The following WRN variants were observed in gnomAD, a reference collection of about 807,000 sequenced individuals.
The protein encoded by WRN is bifunctional 3'-5' exonuclease/ATP-dependent helicase WRN.
In WRN, 149 loss-of-function variants were observed where a neutral mutation model predicts 180.7. The observed-to-expected ratio is 0.82, with a 90% CI of 0.72 to 0.94. The LOEUF is 0.94. Among genes scored for constraint, WRN ranks in the 40% least tolerant of loss-of-function variants. The pLI, the probability that WRN is intolerant of heterozygous loss-of-function variation, is 0.00. For missense variants in WRN, 1,661 were observed against 1,700.1 expected (o/e 0.98, Z 0.40); for synonymous variants, 548 against 568.9 (o/e 0.96, Z 0.52).
chr8:31,052,015 C>G (rs1360544240), intron 1 of WRN, among the ~76,000 whole-genome samples: 2 of 152,116 alleles, frequency 1.3e-5, no homozygotes, highest in African/African-American at 4.8e-5. Flanking sequence ...CGTTGTTATG[C>G]TTAAGTATTG....
At chr8:31,151,142 A>G (rs748919133) in intron 31 of WRN, among the ~76,000 whole-genome samples, 8 of 152,198 alleles carry the variant, frequency 5.3e-5, no homozygotes, top group Admixed American at 6.5e-5. Context: ...GAACCTGCAC[A>G]TGTCCTTTAA....
In WRN at chr8:31,059,884, G is replaced by A. The variant is rs11574182; in HGVS notation, c.209+619G>A. Among the ~76,000 whole-genome samples the A allele has an allele frequency of 9.5e-4, 144 of 152,028 alleles. 1 individual carries two copies. Among genetic ancestry groups the A allele is most frequent in the African/African-American group, 3.2e-3 (131 of 41,458 alleles). On this transcript the variant is annotated intron_variant, in intron 3 of 34. Coordinates refer to ENST00000298139, the MANE Select transcript of WRN (RefSeq NM_000553.6). ...ATCCCGGCTAACATGGTGAAACACCGTCTCTACTAAAAATACAAAAAATTA... is the reference window on the plus strand; with the variant it reads ...ATCCCGGCTAACATGGTGAAACACCATCTCTACTAAAAATACAAAAAATTA...
chr8:31,144,125 T>C (rs1219337024), intron 28 of WRN, among the ~76,000 whole-genome samples: 4 of 152,182 alleles, frequency 2.6e-5, no homozygotes, highest in Admixed American at 2.6e-4. Flanking sequence ...GCATTTCTTA[T>C]AAATTGAAGG....
chr8:31,122,204 A>G (rs1025847956), intron 21 of WRN, among the ~76,000 whole-genome samples: 13 of 152,014 alleles, frequency 8.6e-5, no homozygotes. Flanking sequence ...TACCCTTTGC[A>G]TCAATCCTGA....
At chr8:31,051,832 G>A (rs1354318403) in intron 1 of WRN, among the ~76,000 whole-genome samples, 1 of 152,208 alleles carries the variant, frequency 6.6e-6, no homozygotes, top group Non-Finnish European at 1.5e-5. Context: ...GTGTTCTGTA[G>A]TCAAAGTTGG....
At chr8:31,088,428 G>A (rs1273548385) in intron 12 of WRN, among the ~76,000 whole-genome samples, 1 of 152,072 alleles carries the variant, frequency 6.6e-6, no homozygotes, top group Admixed American at 6.6e-5. Context: ...TAAACTAAAC[G>A]AGATTTTCGT....
chr8:31,149,064 T>G (rs377175932), intron 30 of WRN, among the ~76,000 whole-genome samples: 1 of 152,210 alleles, frequency 6.6e-6, no homozygotes, highest in African/African-American at 2.4e-5. Context: ...CTAATGACAT[T>G]ACACAGTGCT....
At chr8:31,148,769 C>T (rs564313306) in intron 30 of WRN, among the ~76,000 whole-genome samples, 1 of 152,246 alleles carries the variant, frequency 6.6e-6, no homozygotes, top group South Asian at 2.1e-4. Flanking sequence ...TAGCACTTAC[C>T]ACACAATGCT....
intron 12 of WRN, among the ~76,000 whole-genome samples, 182 bp from the exon 13 acceptor site, chr8:31,088,708 A>T (rs577078420): frequency 6.6e-6 from 1 of 152,236 alleles, no homozygotes; most frequent in African/African-American, 2.4e-5. Flanking sequence ...ACTTAAAAGT[A>T]ATCCAAGTGT....
rs1403927921 is a variant in WRN, at chr8:31,140,552, A to G, written c.2968-878A>G. ...ATTCTCCCTTCACTTAGGAAAACAT[A>G]CCTCAAAACCATCAGCTGTTTAGCA... On this transcript the variant is annotated intron_variant, in intron 24 of 34. Transcript: ENST00000298139. Among the ~76,000 whole-genome samples the G allele has an allele frequency of 2.7e-5, 4 of 150,526 alleles. No individual in the cohort carries two copies. The East Asian group carries it at 5.8e-4, about 22-fold the overall frequency.
intron 21 of WRN, 33 bp downstream of exon 21, chr8:31,120,457 A>ATTTC (rs985804989): frequency 6.3e-7 from 1 of 1,586,894 alleles, no homozygotes; most frequent in African/African-American, 1.4e-5. Context: ...ACTCTTGCAG[A>ATTTC]TTTCTTTCTT....
Position 31,147,884 on chromosome 8 carries a change from A to ATTTT in WRN, c.3572+422_3572+425dup, listed in dbSNP as rs367782924. 9.6e-3 allele frequency among the ~76,000 whole-genome samples: 1,224 copies of ATTTT among 126,866 alleles called. 37 individuals carry two copies. Among genetic ancestry groups the ATTTT allele is most frequent in the African/African-American group, 0.031 (1,042 of 33,834 alleles). 83.2% of individuals were successfully genotyped at this position (126,866 alleles called of 152,430 possible). A position where few individuals can be genotyped will look rare whatever the true frequency, so the allele number is the denominator to read the frequency against. ...CTTCGTCTTCCTCTTCTTCTTCTTCATTTTTTTTTTTTTTTTTGTCTGAAG... is the reference window on the plus strand; with the variant it reads ...CTTCGTCTTCCTCTTCTTCTTCTTCATTTTTTTTTTTTTTTTTTTTTGTCTGAAG... On this transcript the variant is annotated intron_variant, in intron 30 of 34. Coordinates refer to ENST00000298139, the MANE Select transcript of WRN (RefSeq NM_000553.6).
chr8:31,060,252 T>A (rs561861550), intron 3 of WRN, among the ~76,000 whole-genome samples: 156 of 151,904 alleles, frequency 1.0e-3, no homozygotes, highest in African/African-American at 3.5e-3. Flanking sequence ...AAAAAAAAAA[T>A]TTTGTTATAT....
rs758132889 is a variant in WRN at position 31,173,020 on chromosome 8, G to A, written c.4217G>A (p.Arg1406Gln). The change falls in exon 35 of 35, where the codon CGA becomes CAA. Residue 1406 changes from arginine (R) to glutamine (Q), a missense_variant. Physicochemically the swap from Arg to Gln is conservative, Grantham distance 43. This residue lies in a region of WRN where 1,141 missense variants were observed against 1,149.4 expected (regional missense o/e 0.99). Coordinates refer to ENST00000298139, the MANE Select transcript of WRN (RefSeq NM_000553.6). ...TETSSAERKR[R>Q]LPVWFAKGSD... The stretch of plus-strand genomic sequence containing the variant: ...ACTTCATCTGCAGAGAGAAAGAGAC[G>A]ATTACCTGTGTGGTTTGCCAAAGGA... The A allele has an allele frequency of 6.2e-6, 10 of 1,613,778 alleles. No individual in the cohort carries two copies. The highest frequency in any genetic ancestry group is 2.7e-5 in the African/African-American group (2 of 74,890).
intron 3 of WRN, among the ~76,000 whole-genome samples, chr8:31,060,066 A>C (rs1038698557): frequency 6.6e-6 from 1 of 151,816 alleles, no homozygotes. Flanking sequence ...AAAAAAAAAA[A>C]ATCCAAAAAA....
intron 31 of WRN, among the ~76,000 whole-genome samples, chr8:31,154,096 TTTTTC>T (rs1463026496): frequency 2.6e-5 from 4 of 152,086 alleles, no homozygotes; most frequent in African/African-American, 9.6e-5. Flanking sequence ...TTTTTCCCAT[TTTTTC>T]TTTTAAACAT....
chr8:31,151,810 T>A (rs1028410727), intron 31 of WRN, among the ~76,000 whole-genome samples: 1 of 152,172 alleles, frequency 6.6e-6, no homozygotes, highest in Non-Finnish European at 1.5e-5. Flanking sequence ...ATACTTGGGT[T>A]ATTCTGCAAA....
rs916722009 is a variant in WRN at position 31,065,016 on chromosome 8, A to G, written c.457A>G (p.Ile153Val). ...GTGGAAACTTCTACGTGACTTTGAT[A>G]TCAAATTGAAGAATTTTGTGGAGTT... ...DQWKLLRDFD[I>V]KLKNFVELTD... Residue 153 changes from isoleucine (I) to valine (V), a missense_variant, in exon 5 of 35, where the codon ATC becomes GTC. Coordinates refer to ENST00000298139, the MANE Select transcript of WRN (RefSeq NM_000553.6). The G allele has an allele frequency of 3.1e-6, 5 of 1,613,606 alleles. No homozygotes were observed. Among genetic ancestry groups the G allele is most frequent in the Admixed American group, 1.7e-5 (1 of 60,008 alleles).
chr8:31,059,703 C>T (rs1258328802), intron 3 of WRN, among the ~76,000 whole-genome samples: 7 of 152,094 alleles, frequency 4.6e-5, no homozygotes, highest in Non-Finnish European at 8.8e-5. Flanking sequence ...TGGCTATGAT[C>T]GGCTCTGTTG....
Sources: allele counts gnomAD v4.1 joint callset (sites outside exome capture counted in the v4.1 genomes callset), GRCh38; gene constraint gnomAD v4.1.1; regional missense constraint gnomAD v4.1.1; transcripts MANE v1.5; gene names NCBI Gene and HGNC (gene_info 2026-07-23, HGNC 2026-07-21).